CLEC12A: variants seen among roughly 807,000 people sequenced by gnomAD.
CLEC12A encodes the protein C-type lectin protein CLL-1.
Under a neutral mutation model 26.5 loss-of-function variants are expected in CLEC12A, and 22 were observed. The observed-to-expected ratio is 0.83, with a 90% CI of 0.59 to 1.19. CLEC12A has a LOEUF of 1.19. CLEC12A is among the 50% of genes most tolerant of loss of function. The probability of loss-of-function intolerance (pLI) is 0.00; values close to 1 mark genes in which losing one functional copy is unlikely to be tolerated. For synonymous variants in CLEC12A, 119 were observed against 101.9 expected, an observed-to-expected ratio of 1.17 and a Z score of -1.01; for missense variants, 353 against 315.6, an observed-to-expected ratio of 1.12 and a Z score of -0.90.
intron 4 of CLEC12A, chr12:9,993,275 C>T (rs756654849): frequency 8.7e-6 from 14 of 1,610,908 alleles, no homozygotes; most frequent in Admixed American, 5.0e-5. Context: ...TTCCATCTTC[C>T]AAAAACTCAA....
intron 1 of CLEC12A, among the ~76,000 whole-genome samples, chr12:9,974,022 C>G (rs1384068647): frequency 6.6e-6 from 1 of 152,162 alleles, no homozygotes; most frequent in Non-Finnish European, 1.5e-5. Context: ...GCCACTGACT[C>G]TCAGTTCTTC....
At position 9,965,580 on chromosome 12, in the gene CLEC12A, T is replaced by G. The variant is rs528542457; in HGVS notation, c.11-5997T>G. The stretch of plus-strand genomic sequence containing the variant: ...TGAGACCCAGAACAGAATAATGGGT[T>G]GTGGAGGGAGATATTGAGGATAGGA... On this transcript the variant is annotated intron_variant, in intron 1 of 6. Coordinates refer to the CLEC12A transcript ENST00000355690. 4.6e-5 allele frequency among the ~76,000 whole-genome samples: 7 copies of G among 151,992 alleles called. No homozygotes were observed. In the South Asian group the frequency reaches 1.5e-3, roughly 32 times the overall value.
chr12:9,977,987 T>C (rs1242562920), intron 1 of CLEC12A, among the ~76,000 whole-genome samples: 1 of 152,178 alleles, frequency 6.6e-6, no homozygotes, highest in African/African-American at 2.4e-5. Flanking sequence ...TAATCTTAGA[T>C]AAAATCTTGA....
At chr12:9,965,857 T>A (rs1261706766) in intron 1 of CLEC12A, among the ~76,000 whole-genome samples, 1 of 151,836 alleles carries the variant, frequency 6.6e-6, no homozygotes, top group Non-Finnish European at 1.5e-5. Context: ...TTTAATGGGA[T>A]GGTAAGGGGT....
downstream of CLEC12A, chr12:9,996,876 A>T (rs770442617): frequency 6.2e-7 from 1 of 1,614,082 alleles, no homozygotes; most frequent in South Asian, 1.1e-5. Context: ...TCTTCAGGAG[A>T]GTAGCATTCA....
rs753248286 is a variant in CLEC12A, at chr12:9,980,660, C to T, written c.458C>T (p.Thr153Ile). Residue 153 changes from threonine (T) to isoleucine (I), a missense_variant, in exon 4 of 6, where the codon ACA becomes ATA. Transcript: ENST00000304361. Reference protein sequence around the residue: ...SCYFLSDDVQTWQESKMACAA... With the variant: ...SCYFLSDDVQIWQESKMACAA... ...TATTTCCTAAGTGATGATGTCCAAACATGGCAGGAGAGTAAAATGGCCTGT... is the reference window on the plus strand; with the variant it reads ...TATTTCCTAAGTGATGATGTCCAAATATGGCAGGAGAGTAAAATGGCCTGT... 9 of 1,613,926 alleles carry T rather than the reference C, an allele frequency of 5.6e-6. 1 individual carries two copies. The South Asian group carries it at 9.9e-5, about 18-fold the overall frequency.
At chr12:9,999,369 CT>C (rs141897222), downstream of CLEC12A, 1,025 of 292,378 alleles carry the variant, frequency 3.5e-3, 1 homozygote, top group African/African-American at 9.9e-3. Flanking sequence ...TTGCTTCCTG[CT>C]TTTTTTTTAT....
intron 1 of CLEC12A, among the ~76,000 whole-genome samples, chr12:9,965,322 G>A (rs953534459): frequency 6.6e-6 from 1 of 152,274 alleles, no homozygotes; most frequent in East Asian, 1.9e-4. Flanking sequence ...TGGGAAATTA[G>A]CCGGACATGA....
downstream of CLEC12A, chr12:9,997,045 G>T (rs1865068563): frequency 1.9e-6 from 3 of 1,610,226 alleles, no homozygotes; most frequent in Non-Finnish European, 2.5e-6. Flanking sequence ...TCTAAATTGG[G>T]CTTACATTTT....
At chr12:9,970,734 G>T (rs1453490342), upstream of CLEC12A, among the ~76,000 whole-genome samples, 1 of 152,098 alleles carries the variant, frequency 6.6e-6, no homozygotes, top group African/African-American at 2.4e-5. Flanking sequence ...TAGTTTTCCT[G>T]GCCTGCAAAG....
chr12:9,984,109 A>ATG lies in CLEC12A; in HGVS notation c.642-747_642-746dup, dbSNP rs748511128. 409 of 232,696 alleles carry ATG rather than the reference A, an allele frequency of 1.8e-3. 3 individuals are homozygous for ATG. The highest frequency in any genetic ancestry group is 8.1e-3 in the African/African-American group (347 of 42,662). 14.4% of individuals were successfully genotyped at this position (232,696 alleles called of 1,614,324 possible). ...TAATAATTGTATGTATGATATATAT[A>ATG]TGTGTGTGTGTGTGTATATATATCT... On this transcript the variant is annotated intron_variant, in intron 5 of 5. Transcript: ENST00000304361.
intron 1 of CLEC12A, among the ~76,000 whole-genome samples, chr12:9,976,526 C>T (rs994349415): frequency 2.0e-5 from 3 of 152,246 alleles, no homozygotes; most frequent in African/African-American, 4.8e-5. Context: ...CCTGTACTCT[C>T]ATTGTATCTA....
rs1030239816 is a variant in CLEC12A at position 9,995,093 on chromosome 12, T to A, written n.1080T>A. 5.2e-5 allele frequency: 84 copies of A among 1,604,688 alleles called. No homozygotes were observed. In the African/African-American group the frequency reaches 1.0e-3, roughly 19 times the overall value. Reference sequence around the variant, plus strand: ...CTGAGAGAAGAGGGAATCTCAAGAATAAGAGTTTCCAGTACTCCCTCCTAT... The same window carrying A: ...CTGAGAGAAGAGGGAATCTCAAGAAAAAGAGTTTCCAGTACTCCCTCCTAT... On this transcript the variant is annotated non_coding_transcript_exon_variant, in exon 5 of 5. Transcript: ENST00000449959.
At chr12:10,001,412 C>T in the CLEC12A span, among the ~76,000 whole-genome samples, 13,333 of 152,262 alleles carry the variant, frequency 0.088, 786 homozygotes, top group South Asian at 0.32. Context: ...TCCTCTTTCT[C>T]ATTGTAATTT....
At chr12:9,979,215 C>G in intron 2 of CLEC12A, 121 bp from the exon 3 acceptor site, 1 of 968,446 alleles carries the variant, frequency 1.0e-6, no homozygotes, top group Non-Finnish European at 1.6e-6. Flanking sequence ...GTCTCTTTCC[C>G]TCACTCCTGT....
At chr12:9,963,003 A>C (rs1329303238) in intron 1 of CLEC12A, among the ~76,000 whole-genome samples, 1 of 152,150 alleles carries the variant, frequency 6.6e-6, no homozygotes, top group African/African-American at 2.4e-5. Context: ...AGAGTGGGAG[A>C]GATTAAGCTG....
At chr12:9,999,109 G>C, downstream of CLEC12A, 1 of 1,596,618 alleles carries the variant, frequency 6.3e-7, no homozygotes, top group East Asian at 2.3e-5. Flanking sequence ...ATGGCTTCCC[G>C]AGTACTGCAA....
intron 1 of CLEC12A, among the ~76,000 whole-genome samples, chr12:9,973,726 A>G (rs1864223975): frequency 6.6e-6 from 1 of 152,100 alleles, no homozygotes; most frequent in African/African-American, 2.4e-5. Flanking sequence ...TACGATAAGT[A>G]TGTACTTATG....
chr12:9,995,826 T>TA (rs1238394203), downstream of CLEC12A: 1 of 163,418 alleles, frequency 6.1e-6, no homozygotes, highest in Non-Finnish European at 1.3e-5. Context: ...CTAAACTATA[T>TA]ACTATATCAT....
Sources: gnomAD v4.1 joint callset for allele counts (sites outside exome capture counted in the v4.1 genomes callset) on GRCh38, gnomAD v4.1.1 for gene constraint, MANE v1.5 for transcripts, NCBI Gene and HGNC (gene_info 2026-07-23, HGNC 2026-07-21) for gene names.